PLCB1: variants seen among roughly 807,000 people sequenced by gnomAD.
PLCB1 encodes the protein phospholipase C beta 1, also known as 1-phosphatidylinositol 4,5-bisphosphate phosphodiesterase beta-1.
Under a neutral mutation model 161.8 loss-of-function variants are expected in PLCB1, and 46 were observed. That is an observed-to-expected ratio of 0.28 (90% confidence interval 0.22 to 0.36). The LOEUF (loss-of-function observed/expected upper bound fraction) is 0.36. Ranked by LOEUF, PLCB1 falls within the 10% of genes least tolerant of loss-of-function variation. The pLI is 1.00. For synonymous variants in PLCB1, 517 were observed against 503.7 expected (o/e 1.03, Z -0.35); for missense variants, 1,016 against 1,472.5 (o/e 0.69, Z 5.07).
chr20:8,722,324 A>G (rs1178566648), intron 14 of PLCB1, 30 bp from the exon 15 acceptor site: 10 of 1,539,766 alleles, frequency 6.5e-6, no homozygotes, highest in East Asian at 4.6e-5. Flanking sequence ...TGAAATGGTG[A>G]CATGATGATC....
chr20:8,181,342 T>C (rs972828129), intron 2 of PLCB1, among the ~76,000 whole-genome samples: 8 of 151,778 alleles, frequency 5.3e-5, no homozygotes, highest in African/African-American at 1.7e-4. Context: ...ATGCTAGGAA[T>C]GTGTGTGGGA....
At chr20:8,634,864 C>G (rs1600212663) in intron 4 of PLCB1, among the ~76,000 whole-genome samples, 1 of 152,166 alleles carries the variant, frequency 6.6e-6, no homozygotes, top group South Asian at 2.1e-4. Flanking sequence ...CCATTCTGTT[C>G]TAGCAGCTCC....
intron 29 of PLCB1, 122 bp from the exon 30 acceptor site, chr20:8,789,396 A>T (rs1448694390): frequency 1.4e-6 from 1 of 727,008 alleles, no homozygotes; most frequent in Non-Finnish European, 2.4e-6. Context: ...TAAATAGATA[A>T]AAATAAGGAA....
intron 2 of PLCB1, among the ~76,000 whole-genome samples, chr20:8,362,995 G>A (rs554280073): frequency 2.6e-5 from 4 of 152,074 alleles, no homozygotes; most frequent in Admixed American, 1.3e-4. Flanking sequence ...TTCTCTTTCT[G>A]TTCCCAGTTA....
intron 3 of PLCB1, among the ~76,000 whole-genome samples, chr20:8,535,934 A>C (rs1194421940): frequency 6.6e-6 from 1 of 152,004 alleles, no homozygotes; most frequent in Non-Finnish European, 1.5e-5. Flanking sequence ...TCATATGGTT[A>C]TAGGCTTTTG....
chr20:8,879,296 G>GAA (rs11470638), intron 31 of PLCB1, among the ~76,000 whole-genome samples: 6 of 138,500 alleles, frequency 4.3e-5, no homozygotes, highest in South Asian at 2.2e-4. Flanking sequence ...TTTTTGATGT[G>GAA]AAAAAAAAAA....
intron 23 of PLCB1, among the ~76,000 whole-genome samples, chr20:8,749,711 C>G (rs1981353191): frequency 6.6e-6 from 1 of 152,072 alleles, no homozygotes; most frequent in African/African-American, 2.4e-5. Flanking sequence ...GAGCTATGTT[C>G]TTTTACCCTT....
chr20:8,728,908 C>A, intron 17 of PLCB1, 142 bp from the exon 18 acceptor site: 2 of 518,280 alleles, frequency 3.9e-6, no homozygotes, highest in Admixed American at 4.1e-5. Context: ...AAAATTAACA[C>A]TAAATATCCC....
chr20:8,577,331 C>T (rs111999335), intron 3 of PLCB1, among the ~76,000 whole-genome samples: 17 of 150,222 alleles, frequency 1.1e-4, no homozygotes, highest in African/African-American at 2.0e-4. Flanking sequence ...CCAGCTACTC[C>T]GGAGGCTGAG....
chr20:8,146,695 C>T (rs190849844), intron 1 of PLCB1, among the ~76,000 whole-genome samples: 292 of 152,028 alleles, frequency 1.9e-3, no homozygotes, highest in Middle Eastern at 0.01. Context: ...TTCAGGATTT[C>T]GAGGTTTTGT....
At chr20:8,460,326 A>G (rs997291584) in intron 3 of PLCB1, among the ~76,000 whole-genome samples, 8 of 152,194 alleles carry the variant, frequency 5.3e-5, no homozygotes, top group Admixed American at 4.6e-4. Flanking sequence ...GGCTTAGAAT[A>G]TCATTTTTAG....
intron 27 of PLCB1, among the ~76,000 whole-genome samples, chr20:8,785,040 G>A (rs758875541): frequency 1.1e-4 from 16 of 152,182 alleles, no homozygotes; most frequent in Non-Finnish European, 1.9e-4. Context: ...CCCTTTGTGG[G>A]AGCAATAATA....
In PLCB1 at chr20:8,275,246, C is replaced by CGTGTGT. The variant is rs1209090719; in HGVS notation, c.178-96133_178-96132insTGTGTG. ...CAGTACCAGGTTTGCTTTGCATCAG[C>CGTGTGT]GTGAGTGTGTGTGTGTGTGTGTGTG... On this transcript the variant is annotated intron_variant, in intron 2 of 31. Transcript: ENST00000338037. Among the ~76,000 whole-genome samples, 23 of 50,910 alleles carry CGTGTGT rather than the reference C, an allele frequency of 4.5e-4. 1 individual carries two copies. The highest frequency in any genetic ancestry group is 9.1e-3 in the Middle Eastern group (1 of 110). The allele number at this position is 50,910 out of a possible 152,430, so 33.4% of individuals were successfully genotyped here.
chr20:8,575,937 G>A (rs953882311), intron 3 of PLCB1, among the ~76,000 whole-genome samples: 1 of 152,072 alleles, frequency 6.6e-6, no homozygotes, highest in Non-Finnish European at 1.5e-5. Flanking sequence ...CCTTTTCATG[G>A]AACTCACTCA....
In PLCB1 at chr20:8,445,610, G is replaced by A. The variant is rs573987702; in HGVS notation, c.246+74160G>A. Among the ~76,000 whole-genome samples the A allele has an allele frequency of 3.3e-5, 5 of 152,228 alleles. No homozygotes were observed. The East Asian group carries it at 9.7e-4, about 29-fold the overall frequency. ...AAGTCATTGGTAGCTTTATGGGGAT[G>A]GCATTGAATCTATAAATTACCTTGA... On this transcript the variant is annotated intron_variant, in intron 3 of 31. Transcript: ENST00000338037.
chr20:8,190,294 G>A (rs1479617433), intron 2 of PLCB1, among the ~76,000 whole-genome samples: 1 of 151,904 alleles, frequency 6.6e-6, no homozygotes, highest in African/African-American at 2.4e-5. Flanking sequence ...TGAAATTCTC[G>A]GATAAGTAGT....
chr20:8,680,556 G>A (rs765123090), intron 9 of PLCB1, among the ~76,000 whole-genome samples: 1 of 152,118 alleles, frequency 6.6e-6, no homozygotes, highest in African/African-American at 2.4e-5. Flanking sequence ...GGATTGAAAA[G>A]TTGATCCCTG....
chr20:8,879,105 C>T (rs534608575), intron 31 of PLCB1, among the ~76,000 whole-genome samples: 2 of 152,252 alleles, frequency 1.3e-5, no homozygotes, highest in South Asian at 4.1e-4. Context: ...TAATGGCCTC[C>T]AGCTGCATCC....
chr20:8,214,102 A>T (rs528884185), intron 2 of PLCB1, among the ~76,000 whole-genome samples: 1 of 152,296 alleles, frequency 6.6e-6, no homozygotes, highest in Admixed American at 6.5e-5. Flanking sequence ...GGTAAAGAGC[A>T]GTCTTACACG....
Sources: allele counts gnomAD v4.1 joint callset (sites outside exome capture counted in the v4.1 genomes callset), GRCh38; gene constraint gnomAD v4.1.1; transcripts MANE v1.5; gene names NCBI Gene and HGNC (gene_info 2026-07-23, HGNC 2026-07-21).